LTBP1: variants seen among roughly 807,000 people sequenced by gnomAD.
LTBP1 encodes the protein latent-transforming growth factor beta-binding protein 1.
In LTBP1, 129 loss-of-function variants were observed where a neutral mutation model predicts 207.6. The observed-to-expected ratio is 0.62, with a 90% CI of 0.54 to 0.72. The LOEUF is 0.72. Among genes scored for constraint, LTBP1 ranks in the 30% least tolerant of loss-of-function variants. The pLI is 0.00. For missense variants in LTBP1, 2,281 were observed against 2,217.2 expected (o/e 1.03, Z -0.58); for synonymous variants, 963 against 833.7 (o/e 1.16, Z -2.67).
intron 9 of LTBP1, among the ~76,000 whole-genome samples, chr2:33,227,977 T>A (rs2091545056): frequency 6.6e-6 from 1 of 151,910 alleles, no homozygotes. Context: ...GCTACTTTTT[T>A]TATATTTTCA....
At chr2:33,170,279 G>A (rs2085300170) in intron 5 of LTBP1, among the ~76,000 whole-genome samples, 1 of 152,222 alleles carries the variant, frequency 6.6e-6, no homozygotes, top group East Asian at 1.9e-4. Context: ...ACGGCACCTG[G>A]AAAATCGGGT....
intron 24 of LTBP1, among the ~76,000 whole-genome samples, chr2:33,338,529 C>G (rs568268243): frequency 2.0e-5 from 3 of 152,142 alleles, no homozygotes; most frequent in Non-Finnish European, 4.4e-5. Flanking sequence ...TTAAAGGTTC[C>G]TCACCCTGAG....
intron 7 of LTBP1, among the ~76,000 whole-genome samples, chr2:33,192,144 G>T (rs563970446): frequency 7.9e-5 from 12 of 152,282 alleles, no homozygotes; most frequent in African/African-American, 2.9e-4. Context: ...AGAGATCAGA[G>T]AAGTGAAATA....
intron 4 of LTBP1, among the ~76,000 whole-genome samples, chr2:33,130,904 C>T (rs2081752924): frequency 6.6e-6 from 1 of 151,912 alleles, no homozygotes; most frequent in Non-Finnish European, 1.5e-5. Flanking sequence ...CATTTTTTTT[C>T]CTCCAAAGGA....
At chr2:33,238,398 T>C (rs1329665885) in intron 9 of LTBP1, among the ~76,000 whole-genome samples, 3 of 152,222 alleles carry the variant, frequency 2.0e-5, no homozygotes, top group Non-Finnish European at 2.9e-5. Flanking sequence ...CATAAAAATA[T>C]ATTTATTTCC....
chr2:33,004,099 A>ATT lies in LTBP1; in HGVS notation c.566-16798_566-16797dup, dbSNP rs11413441. Among the ~76,000 whole-genome samples the ATT allele has an allele frequency of 9.3e-3, 1,373 of 148,200 alleles. 19 individuals are homozygous for ATT. Among genetic ancestry groups the ATT allele is most frequent in the African/African-American group, 0.027 (1,090 of 40,356 alleles). The stretch of plus-strand genomic sequence containing the variant: ...CAATGCCCATTCCTTAATAAATATC[A>ATT]TTTTTTTTTTTTTAAAGAGAGTCTG... On this transcript the variant is annotated intron_variant, in intron 2 of 33. Transcript: ENST00000404816.
chr2:33,374,059 A>G (rs914703206), intron 31 of LTBP1, among the ~76,000 whole-genome samples: 1 of 152,218 alleles, frequency 6.6e-6, no homozygotes, highest in Non-Finnish European at 1.5e-5. Context: ...CAGGGCAAGA[A>G]GTTTCGTAAT....
At chr2:32,997,877 G>A (rs1299318942) in intron 2 of LTBP1, among the ~76,000 whole-genome samples, 1 of 152,154 alleles carries the variant, frequency 6.6e-6, no homozygotes, top group African/African-American at 2.4e-5. Flanking sequence ...GCAGTTACTG[G>A]CAACTTTTCT....
At chr2:33,390,215 T>C (rs1199573564) in intron 32 of LTBP1, among the ~76,000 whole-genome samples, 1 of 152,190 alleles carries the variant, frequency 6.6e-6, no homozygotes, top group Non-Finnish European at 1.5e-5. Flanking sequence ...CCTGGATTAG[T>C]GAGCACAGCT....
chr2:33,091,021 A>G (rs556719529), intron 3 of LTBP1, among the ~76,000 whole-genome samples: 2 of 152,308 alleles, frequency 1.3e-5, no homozygotes, highest in African/African-American at 4.8e-5. Flanking sequence ...TTCATGCCCC[A>G]TGCTGCTCTA....
chr2:33,241,860 A>G (rs943283050), intron 9 of LTBP1, among the ~76,000 whole-genome samples: 7 of 152,112 alleles, frequency 4.6e-5, no homozygotes, highest in Non-Finnish European at 7.4e-5. Flanking sequence ...AAAAAGAATG[A>G]GTTACGGGGG....
intron 31 of LTBP1, among the ~76,000 whole-genome samples, chr2:33,368,305 G>C (rs996531177): frequency 6.6e-6 from 1 of 152,110 alleles, no homozygotes; most frequent in Non-Finnish European, 1.5e-5. Flanking sequence ...AGAACTACCC[G>C]GCGATCCCAC....
At chr2:33,073,290 T>G (rs2077897573) in intron 3 of LTBP1, among the ~76,000 whole-genome samples, 1 of 152,030 alleles carries the variant, frequency 6.6e-6, no homozygotes, top group Admixed American at 6.6e-5. Context: ...TTTTTTGTTT[T>G]TGTTTTTTTA....
At chr2:33,111,574 T>C (rs895933973) in intron 4 of LTBP1, among the ~76,000 whole-genome samples, 1 of 152,234 alleles carries the variant, frequency 6.6e-6, no homozygotes, top group Non-Finnish European at 1.5e-5. Context: ...ATACAGTTTT[T>C]ACTACTGTTT....
intron 24 of LTBP1, among the ~76,000 whole-genome samples, chr2:33,333,312 G>A (rs2094518321): frequency 6.6e-6 from 1 of 151,800 alleles, no homozygotes; most frequent in Non-Finnish European, 1.5e-5. Context: ...ATTTAATTCA[G>A]TAATTTATAT....
chr2:33,096,535 A>C (rs1280992372), intron 3 of LTBP1, among the ~76,000 whole-genome samples: 1 of 152,212 alleles, frequency 6.6e-6, no homozygotes, highest in African/African-American at 2.4e-5. Flanking sequence ...CTGCCAACCT[A>C]TTATCCTGAC....
chr2:33,150,182 TAA>T (rs2083396523), intron 5 of LTBP1, among the ~76,000 whole-genome samples: 1 of 152,210 alleles, frequency 6.6e-6, no homozygotes, highest in Admixed American at 6.5e-5. Context: ...CACCTGCATA[TAA>T]AGTCATATAG....
chr2:32,973,840 T>C (rs1272299327), intron 2 of LTBP1, among the ~76,000 whole-genome samples: 1 of 152,218 alleles, frequency 6.6e-6, no homozygotes, highest in Non-Finnish European at 1.5e-5. Flanking sequence ...ACTGAGAACA[T>C]GTGATATTTG....
chr2:33,216,808 C>T (rs553182342), intron 7 of LTBP1, among the ~76,000 whole-genome samples: 6 of 152,278 alleles, frequency 3.9e-5, no homozygotes, highest in South Asian at 2.1e-4. Context: ...TAACTTCAGG[C>T]CCCTGCCTCT....
Sources: allele counts gnomAD v4.1 joint callset (sites outside exome capture counted in the v4.1 genomes callset), GRCh38; gene constraint gnomAD v4.1.1; transcripts MANE v1.5; gene names NCBI Gene and HGNC (gene_info 2026-07-23, HGNC 2026-07-21).